Variants in ULK4 observed in about 807,000 individuals in gnomAD.
ULK4 encodes the protein unc-51 like kinase 4.
Under a neutral mutation model 160.6 loss-of-function variants are expected in ULK4, and 133 were observed. The ratio of observed to expected loss-of-function variants is 0.83; its 90% CI spans 0.72 to 0.96. The LOEUF (loss-of-function observed/expected upper bound fraction) is 0.96, where lower values mean the gene tolerates loss of function less well. ULK4 is among the 40% of genes least tolerant of loss of function. The probability of loss-of-function intolerance (pLI) is 0.00; values close to 1 mark genes in which losing one functional copy is unlikely to be tolerated. For missense variants in ULK4, 1,580 were observed against 1,499.5 expected (o/e 1.05, Z -0.89); for synonymous variants, 534 against 539.8 (o/e 0.99, Z 0.15).
intron 21 of ULK4, among the ~76,000 whole-genome samples, chr3:41,768,236 G>A (rs1467585438): frequency 1.3e-5 from 2 of 152,152 alleles, no homozygotes; most frequent in Non-Finnish European, 2.9e-5. Flanking sequence ...GTGCCAAAAA[G>A]GGTGGAGACC....
At chr3:41,818,253 C>T (rs542440309) in intron 19 of ULK4, among the ~76,000 whole-genome samples, 4 of 152,162 alleles carry the variant, frequency 2.6e-5, no homozygotes, top group Non-Finnish European at 5.9e-5. Context: ...TTTATCACAG[C>T]ACTATTCACA....
chr3:41,421,599 C>T (rs1575538629), intron 34 of ULK4, among the ~76,000 whole-genome samples: 1 of 152,230 alleles, frequency 6.6e-6, no homozygotes, highest in Non-Finnish European at 1.5e-5. Context: ...TGAACTATTC[C>T]TGAATTCCAG....
chr3:41,709,305 T>G (rs1164749035), intron 25 of ULK4, among the ~76,000 whole-genome samples: 1 of 152,230 alleles, frequency 6.6e-6, no homozygotes, highest in Middle Eastern at 3.2e-3. Flanking sequence ...ATGCAAGCCC[T>G]TTAAAAAGTG....
At chr3:41,855,007 C>T (rs1279353318) in intron 17 of ULK4, 1 of 147,458 alleles carries the variant, frequency 6.8e-6, no homozygotes, top group Non-Finnish European at 1.5e-5. Flanking sequence ...ACAATGCATA[C>T]GTCATCTCAG....
In ULK4 at chr3:41,313,818, G is replaced by T. The variant is rs545731464; in HGVS notation, c.3679-64244C>A. 2.6e-4 allele frequency among the ~76,000 whole-genome samples: 40 copies of T among 152,238 alleles called. No individual in the cohort carries two copies. The South Asian group carries it at 4.4e-3, about 17-fold the overall frequency. ...TTCCCTCATTTTGAATACAGACCGG[G>T]CTTAGGGACTGACTTGAACAGAAAC... On this transcript the variant is annotated intron_variant, in intron 35 of 36. Transcript: ENST00000301831.
rs34524276 is a variant in ULK4 at position 41,951,144 on chromosome 3, CAAA to C, written c.138+3475_138+3477del. 4.3e-3 allele frequency among the ~76,000 whole-genome samples: 278 copies of C among 64,648 alleles called. 1 individual carries two copies. Among genetic ancestry groups the C allele is most frequent in the African/African-American group, 0.018 (263 of 14,432 alleles). 42.4% of individuals were successfully genotyped at this position (64,648 alleles called of 152,430 possible). ...TGGAGGACAGAGCGAGGCTTCGTCTCAAAAAAAAAAAAAAAAAAAAAAAAGACA... is the reference window on the plus strand; with the variant it reads ...TGGAGGACAGAGCGAGGCTTCGTCTCAAAAAAAAAAAAAAAAAAAAAGACA... On this transcript the variant is annotated intron_variant, in intron 2 of 36. Coordinates refer to ENST00000301831, the MANE Select transcript of ULK4 (RefSeq NM_017886.4).
intron 30 of ULK4, among the ~76,000 whole-genome samples, chr3:41,630,461 C>A (rs942406731): frequency 2.6e-5 from 4 of 152,130 alleles, no homozygotes; most frequent in African/African-American, 9.7e-5. Flanking sequence ...TGAGGATCTC[C>A]TCCACGTCAA....
chr3:41,748,302 C>G (rs2038492595), intron 22 of ULK4, among the ~76,000 whole-genome samples: 1 of 151,204 alleles, frequency 6.6e-6, no homozygotes, highest in Admixed American at 6.6e-5. Flanking sequence ...TACACACACA[C>G]AGACACGCAC....
intron 35 of ULK4, among the ~76,000 whole-genome samples, chr3:41,252,857 T>C (rs1476597913): frequency 6.6e-6 from 1 of 151,754 alleles, no homozygotes; most frequent in East Asian, 1.9e-4. Context: ...ACCAAATCCA[T>C]CAAAATCAAA....
chr3:41,933,630 G>GC (rs1469165585), intron 4 of ULK4, among the ~76,000 whole-genome samples: 1 of 151,780 alleles, frequency 6.6e-6, no homozygotes, highest in African/African-American at 2.4e-5. Context: ...ATAGATATCA[G>GC]CAAACTACAG....
intron 18 of ULK4, 95 bp downstream of exon 18, chr3:41,835,769 G>T: frequency 1.1e-6 from 1 of 872,492 alleles, no homozygotes; most frequent in Non-Finnish European, 1.8e-6. Flanking sequence ...GCTCTAAGGC[G>T]CAAAATCAAA....
intron 27 of ULK4, among the ~76,000 whole-genome samples, chr3:41,686,813 T>C (rs2036116027): frequency 6.6e-6 from 1 of 152,210 alleles, no homozygotes; most frequent in South Asian, 2.1e-4. Context: ...TATGACTACC[T>C]GGGCCCAGCA....
At chr3:41,712,605 C>A (rs2037136502) in intron 25 of ULK4, among the ~76,000 whole-genome samples, 1 of 152,158 alleles carries the variant, frequency 6.6e-6, no homozygotes, top group African/African-American at 2.4e-5. Flanking sequence ...TTTCAAAACA[C>A]AATGCTGGGA....
intron 18 of ULK4, among the ~76,000 whole-genome samples, chr3:41,832,911 T>C (rs918383811): frequency 6.6e-6 from 1 of 152,222 alleles, no homozygotes; most frequent in African/African-American, 2.4e-5. Context: ...TTTGTACCAG[T>C]ACCATGCTGT....
At chr3:41,804,407 A>G (rs1328417211) in intron 19 of ULK4, among the ~76,000 whole-genome samples, 5 of 152,080 alleles carry the variant, frequency 3.3e-5, no homozygotes, top group East Asian at 1.9e-4. Flanking sequence ...AGTAGGTTGC[A>G]AAAATTTTCT....
intron 31 of ULK4, among the ~76,000 whole-genome samples, chr3:41,580,680 T>C (rs561150738): frequency 1.2e-3 from 187 of 152,276 alleles, no homozygotes; most frequent in African/African-American, 4.1e-3. Flanking sequence ...GAGCAGCCAG[T>C]TGCATCACTG....
At chr3:41,961,550 A>ACCCCCCCTC (rs1700669869) in intron 1 of ULK4, among the ~76,000 whole-genome samples, 3 of 124,682 alleles carry the variant, frequency 2.4e-5, no homozygotes, top group African/African-American at 4.3e-5. Context: ...GTAGTCACTC[A>ACCCCCCCTC]CCCCCCCCCC....
At chr3:41,290,593 A>AG (rs61440198) in intron 35 of ULK4, among the ~76,000 whole-genome samples, 11,169 of 152,032 alleles carry the variant, frequency 0.073, 1,057 homozygotes, top group African/African-American at 0.21. Context: ...TTCCACTGGG[A>AG]GGGGGTTCTG....
At chr3:41,474,424 G>A (rs1340519109) in intron 32 of ULK4, among the ~76,000 whole-genome samples, 1 of 151,928 alleles carries the variant, frequency 6.6e-6, no homozygotes, top group Non-Finnish European at 1.5e-5. Flanking sequence ...AACACAGAGG[G>A]GAAAAAACAC....
Sources: allele counts gnomAD v4.1 joint callset (sites outside exome capture counted in the v4.1 genomes callset), GRCh38; gene constraint gnomAD v4.1.1; transcripts MANE v1.5; gene names NCBI Gene and HGNC (gene_info 2026-07-23, HGNC 2026-07-21).